The following SATL1 variants were observed in gnomAD, a reference collection of about 807,000 sequenced individuals.
The protein encoded by SATL1 is spermidine/spermine N(1)-acetyltransferase-like protein 1.
Under a neutral mutation model 51.8 loss-of-function variants are expected in SATL1, and 47 were observed. The ratio of observed to expected loss-of-function variants is 0.91; its 90% CI spans 0.72 to 1.16. The LOEUF is 1.16. SATL1 is among the 50% of genes most tolerant of loss of function. The probability of loss-of-function intolerance (pLI) is 0.00; values close to 1 mark genes in which losing one functional copy is unlikely to be tolerated. For synonymous variants in SATL1, 176 were observed against 182.4 expected (o/e 0.97, Z 0.28); for missense variants, 520 against 526.4 (o/e 0.99, Z 0.12).
chrX:85,166,935 ATGTGTATG>A (rs1408726158), intron 2 of SATL1, among the ~76,000 whole-genome samples: 10 of 84,732 alleles, frequency 1.2e-4, no homozygotes, highest in African/African-American at 3.5e-4. Context: ...ATATATATAT[ATGTGTATG>A]TGTGTGTGTG....
At chrX:85,125,565 G>A (rs1925606122) in intron 2 of SATL1, among the ~76,000 whole-genome samples, 1 of 105,388 alleles carries the variant, frequency 9.5e-6, no homozygotes, top group Non-Finnish European at 2.0e-5. Flanking sequence ...AGAGAAGAAT[G>A]ATAGAATTGT....
intron 2 of SATL1, among the ~76,000 whole-genome samples, chrX:85,167,744 C>T (rs1035025998): frequency 9.0e-6 from 1 of 111,181 alleles, no homozygotes; most frequent in Non-Finnish European, 1.9e-5. Context: ...CCTATTGAAA[C>T]TATTCCAAAA....
chrX:85,233,084 C>A (rs752550053), intron 1 of SATL1, among the ~76,000 whole-genome samples: 1 of 112,015 alleles, frequency 8.9e-6, no homozygotes, highest in Non-Finnish European at 1.9e-5. Flanking sequence ...CAGCTCCAGG[C>A]AGCTCAGCAC....
chrX:85,171,798 T>G (rs1328362673), intron 2 of SATL1, among the ~76,000 whole-genome samples: 1 of 111,789 alleles, frequency 8.9e-6, no homozygotes, highest in African/African-American at 3.2e-5. Context: ...TTCTGCATAC[T>G]CTGCTCAAAA....
At chrX:85,169,337 C>G (rs943973900) in intron 2 of SATL1, among the ~76,000 whole-genome samples, 3 of 111,012 alleles carry the variant, frequency 2.7e-5, no homozygotes, top group Non-Finnish European at 5.7e-5. Flanking sequence ...AGCAGATGAC[C>G]TATAGAATGG....
At chrX:85,196,722 G>A (rs143586841) in intron 2 of SATL1, among the ~76,000 whole-genome samples, 2,813 of 111,218 alleles carry the variant, frequency 0.025, 86 homozygotes, top group African/African-American at 0.087. Context: ...TTACAAGGGT[G>A]CCAATAAAAT....
chrX:85,196,420 C>G (rs1927562098), intron 2 of SATL1, among the ~76,000 whole-genome samples: 1 of 111,199 alleles, frequency 9.0e-6, no homozygotes. Flanking sequence ...ATATGCAAGC[C>G]CTATGAAAAT....
chrX:85,242,470 G>A (rs1378145724), intron 1 of SATL1, among the ~76,000 whole-genome samples: 1 of 112,134 alleles, frequency 8.9e-6, no homozygotes, highest in Non-Finnish European at 1.9e-5. Context: ...ATTTTTAATT[G>A]TTGAAAAAAT....
intron 2 of SATL1, among the ~76,000 whole-genome samples, chrX:85,148,373 C>A (rs765602992): frequency 9.1e-6 from 1 of 109,595 alleles, no homozygotes; most frequent in Non-Finnish European, 1.9e-5. Context: ...AGAATGGAAC[C>A]AAGTTGGAAA....
intron 2 of SATL1, among the ~76,000 whole-genome samples, chrX:85,178,483 A>G (rs1295712564): frequency 9.1e-6 from 1 of 109,852 alleles, no homozygotes; most frequent in Non-Finnish European, 1.9e-5. Flanking sequence ...TCTTGGGCCC[A>G]ACTGATCCTC....
chrX:85,107,794 C>T lies in SATL1; in HGVS notation c.1175G>A (p.Ser392Asn). 1.4e-5 allele frequency: 17 copies of T among 1,211,248 alleles called. No homozygotes were observed. The highest frequency in any genetic ancestry group is 1.9e-5 in the Non-Finnish European group (17 of 895,410). ...GCCTACTTGTCTCATGCTTGGTTGGCTCCCACCTGACTGTCTCATGTCTAG... is the reference window on the plus strand; with the variant it reads ...GCCTACTTGTCTCATGCTTGGTTGGTTCCCACCTGACTGTCTCATGTCTAG... ...WQLDMRQSGG[S>N]QPSMRQVGTS... Residue 392 changes from serine (S) to asparagine (N), a missense_variant, in exon 3 of 8, where the codon AGC becomes AAC. This residue lies in a region of SATL1 where 488 missense variants were observed against 474.3 expected (regional missense o/e 1.03). Transcript: ENST00000644105.
chrX:85,201,997 GT>G (rs1569246357), intron 2 of SATL1, among the ~76,000 whole-genome samples: 1 of 111,954 alleles, frequency 8.9e-6, no homozygotes, highest in Non-Finnish European at 1.9e-5. Context: ...ACATTGATGG[GT>G]TGAATGGTAC....
chrX:85,104,046 T>A, intron 3 of SATL1, 131 bp from the exon 4 acceptor site: 1 of 439,391 alleles, frequency 2.3e-6, no homozygotes, highest in Non-Finnish European at 4.0e-6. Context: ...GAGTCAGACT[T>A]AATCCCAGTC....
intron 2 of SATL1, among the ~76,000 whole-genome samples, chrX:85,147,418 G>A (rs1014605807): frequency 1.1e-4 from 12 of 114,185 alleles, no homozygotes; most frequent in African/African-American, 3.5e-4. Context: ...AAAGACAGCA[G>A]TAACCTCTGC....
intron 1 of SATL1, among the ~76,000 whole-genome samples, chrX:85,242,747 C>G (rs765587025): frequency 1.7e-4 from 19 of 112,049 alleles, no homozygotes; most frequent in Middle Eastern, 4.6e-3. Context: ...TTGAACCTCA[C>G]AATGGAAGGT....
chrX:85,167,260 G>T (rs1050667249), intron 2 of SATL1, among the ~76,000 whole-genome samples: 20 of 102,599 alleles, frequency 1.9e-4, no homozygotes, highest in Non-Finnish European at 3.6e-4. Context: ...ATGGGGGGGG[G>T]GTTGATGAGG....
chrX:85,184,832 C>A (rs1927278881), intron 2 of SATL1, among the ~76,000 whole-genome samples: 1 of 111,858 alleles, frequency 8.9e-6, no homozygotes, highest in African/African-American at 3.2e-5. Context: ...GTCACTGGTG[C>A]CTTATGTAGT....
chrX:85,191,576 T>C (rs1927439993), intron 2 of SATL1, among the ~76,000 whole-genome samples: 1 of 111,996 alleles, frequency 8.9e-6, no homozygotes, highest in South Asian at 3.7e-4. Flanking sequence ...TACTGTTGAC[T>C]AGAAGCCTTA....
chrX:85,151,380 G>A (rs1926433338), intron 2 of SATL1, among the ~76,000 whole-genome samples: 1 of 111,294 alleles, frequency 9.0e-6, no homozygotes, highest in Admixed American at 9.6e-5. Context: ...TCATGAAAAT[G>A]GCCATACTGC....
Sources: gnomAD v4.1 joint callset for allele counts (sites outside exome capture counted in the v4.1 genomes callset) on GRCh38, gnomAD v4.1.1 for gene constraint, gnomAD v4.1.1 regional missense constraint, MANE v1.5 for transcripts, NCBI Gene and HGNC (gene_info 2026-07-23, HGNC 2026-07-21) for gene names.